The following PAPPA2 variants were observed in gnomAD, a reference collection of about 807,000 sequenced individuals.
PAPPA2 encodes pappalysin-2.
In PAPPA2, 86 loss-of-function variants were observed where a neutral mutation model predicts 176.4. That is an observed-to-expected ratio of 0.49 (90% CI 0.41 to 0.58). PAPPA2 has a LOEUF of 0.58. Ranked by LOEUF, PAPPA2 falls within the 20% of genes least tolerant of loss-of-function variation. The probability of loss-of-function intolerance (pLI) is 0.00; values close to 1 mark genes in which losing one functional copy is unlikely to be tolerated. For missense variants in PAPPA2, 2,073 were observed against 2,256.9 expected (o/e 0.92, Z 1.65); for synonymous variants, 809 against 852.2 (o/e 0.95, Z 0.88).
At chr1:176,626,098 T>G (rs1655994281) in intron 3 of PAPPA2, among the ~76,000 whole-genome samples, 1 of 152,150 alleles carries the variant, frequency 6.6e-6, no homozygotes, top group Non-Finnish European at 1.5e-5. Context: ...TTACATAATT[T>G]AAGTAATTAC....
At chr1:176,780,674 C>T (rs1347834539) in intron 17 of PAPPA2, among the ~76,000 whole-genome samples, 2 of 151,738 alleles carry the variant, frequency 1.3e-5, no homozygotes, top group African/African-American at 2.4e-5. Context: ...TATTCCAACC[C>T]TATTATAATA....
At chr1:176,481,768 G>A (rs964765061) in intron 1 of PAPPA2, among the ~76,000 whole-genome samples, 8 of 152,216 alleles carry the variant, frequency 5.3e-5, no homozygotes, top group East Asian at 1.9e-4. Flanking sequence ...GCAGTGCCGC[G>A]ATCTCGGCTC....
intron 12 of PAPPA2, among the ~76,000 whole-genome samples, chr1:176,737,698 T>C (rs1186603063): frequency 6.6e-6 from 1 of 152,070 alleles, no homozygotes; most frequent in African/African-American, 2.4e-5. Flanking sequence ...CACAGAGACC[T>C]TGCCACCAGG....
chr1:176,613,146 T>C (rs1417625115), intron 3 of PAPPA2, among the ~76,000 whole-genome samples: 2 of 152,192 alleles, frequency 1.3e-5, no homozygotes, highest in Non-Finnish European at 2.9e-5. Flanking sequence ...GTAGCCTCTT[T>C]CCAGTCAATC....
intron 17 of PAPPA2, 65 bp downstream of exon 17, chr1:176,771,245 T>A: frequency 6.6e-7 from 1 of 1,521,136 alleles, no homozygotes; most frequent in Non-Finnish European, 9.1e-7. Flanking sequence ...TTTGTTTTTC[T>A]GTATAATCTC....
chr1:176,718,573 C>T (rs1274243851), intron 12 of PAPPA2, among the ~76,000 whole-genome samples: 4 of 151,880 alleles, frequency 2.6e-5, no homozygotes, highest in Middle Eastern at 3.2e-3. Context: ...TAAGTTTTCA[C>T]ATCTTATTTC....
chr1:176,641,551 C>T (rs1301808158), intron 3 of PAPPA2, among the ~76,000 whole-genome samples: 2 of 151,620 alleles, frequency 1.3e-5, no homozygotes, highest in African/African-American at 2.4e-5. Flanking sequence ...TGATCTATAT[C>T]TCTGTTTTGG....
intron 1 of PAPPA2, among the ~76,000 whole-genome samples, chr1:176,514,343 G>A (rs1055098844): frequency 6.6e-6 from 1 of 152,128 alleles, no homozygotes; most frequent in African/African-American, 2.4e-5. Context: ...GAACCCACTA[G>A]TTACCATGGG....
At chr1:176,501,919 C>T (rs1477920624) in intron 1 of PAPPA2, among the ~76,000 whole-genome samples, 2 of 152,116 alleles carry the variant, frequency 1.3e-5, no homozygotes, top group Admixed American at 1.3e-4. Context: ...AAAATTAATG[C>T]ACCCTGGTTC....
Position 176,595,240 on chromosome 1 carries a change from C to T in PAPPA2, c.1636C>T (p.Gln546Ter). The T allele has an allele frequency of 6.2e-7, 1 of 1,614,218 alleles. No homozygotes were observed. The highest frequency in any genetic ancestry group is 1.1e-5 in the South Asian group (1 of 91,088). Reference sequence around the variant, plus strand: ...CCTAAACCCCATTGTGAGTGAGGAGCAGATTCGTCTGCAGCACGAGGCACT... The same window carrying T: ...CCTAAACCCCATTGTGAGTGAGGAGTAGATTCGTCTGCAGCACGAGGCACT... ...EGLNPIVSEE[Q>*]IRLQHEALNE... Residue 546 changes from glutamine (Q) to a stop codon, truncating the protein, a stop_gained, in exon 3 of 23, where the codon CAG (glutamine) becomes TAG (stop). Transcript: ENST00000367662. LOFTEE classifies it high-confidence loss of function.
chr1:176,664,456 G>A (rs1176156118), intron 3 of PAPPA2, among the ~76,000 whole-genome samples: 2 of 152,170 alleles, frequency 1.3e-5, no homozygotes, highest in Admixed American at 1.3e-4. Flanking sequence ...CATAGGAAAA[G>A]TTCTTTGCTT....
chr1:176,482,318 G>T (rs1277448446), intron 1 of PAPPA2, among the ~76,000 whole-genome samples: 2 of 152,206 alleles, frequency 1.3e-5, no homozygotes, highest in Non-Finnish European at 2.9e-5. Flanking sequence ...TATTAGAGGA[G>T]AGTTTGATAT....
chr1:176,616,978 A>G (rs951561009), intron 3 of PAPPA2, among the ~76,000 whole-genome samples: 5 of 152,256 alleles, frequency 3.3e-5, no homozygotes, highest in East Asian at 1.9e-4. Context: ...TCTGCAATCC[A>G]GTAATACTGA....
intron 1 of PAPPA2, among the ~76,000 whole-genome samples, chr1:176,493,672 C>T (rs1483390680): frequency 6.6e-6 from 1 of 152,118 alleles, no homozygotes; most frequent in Non-Finnish European, 1.5e-5. Flanking sequence ...CCCAAATTTA[C>T]CATCCACAAA....
intron 11 of PAPPA2, among the ~76,000 whole-genome samples, chr1:176,710,943 C>G (rs923392964): frequency 6.6e-6 from 1 of 152,164 alleles, no homozygotes; most frequent in Admixed American, 6.5e-5. Context: ...CTGCTCAAAA[C>G]ATGGCTGCAG....
intron 1 of PAPPA2, among the ~76,000 whole-genome samples, chr1:176,497,101 G>A (rs1201677810): frequency 6.6e-6 from 1 of 152,042 alleles, no homozygotes; most frequent in African/African-American, 2.4e-5. Context: ...GAAATATTGT[G>A]TTGCTTTGGC....
intron 1 of PAPPA2, among the ~76,000 whole-genome samples, chr1:176,512,646 G>A (rs931533326): frequency 6.6e-6 from 1 of 152,128 alleles, no homozygotes; most frequent in Non-Finnish European, 1.5e-5. Context: ...TTTTTAGGGT[G>A]ATGAAAATAG....
chr1:176,577,753 C>A (rs1014735678), intron 2 of PAPPA2, among the ~76,000 whole-genome samples: 1 of 152,070 alleles, frequency 6.6e-6, no homozygotes, highest in Non-Finnish European at 1.5e-5. Flanking sequence ...GAAGGCTGCA[C>A]GTACATGTGT....
rs759683588 is a variant in PAPPA2, at chr1:176,692,215, A to G, written c.2521A>G (p.Arg841Gly). 2 of 1,614,092 alleles carry G rather than the reference A, an allele frequency of 1.2e-6. No homozygotes were observed. Among genetic ancestry groups the G allele is most frequent in the Non-Finnish European group, 1.7e-6 (2 of 1,179,936 alleles). The change falls in exon 6 of 23, where the codon AGA (arginine) becomes GGA (glycine). Residue 841 changes from arginine (R) to glycine (G), a missense_variant. Coordinates refer to ENST00000367662, the MANE Select transcript of PAPPA2 (RefSeq NM_020318.3). ...DLVYQQWTES[R>G]KPTPIPIPPM... ...AGTCTATCAGCAGTGGACTGAAAGC[A>G]GAAAGCCCACCCCCATCCCCATTCC...
Sources: gnomAD v4.1 joint callset for allele counts (sites outside exome capture counted in the v4.1 genomes callset) on GRCh38, gnomAD v4.1.1 for gene constraint, MANE v1.5 for transcripts, NCBI Gene and HGNC (gene_info 2026-07-23, HGNC 2026-07-21) for gene names.